The following SLC2A13 variants were observed in gnomAD, a reference collection of about 807,000 sequenced individuals.
SLC2A13 encodes solute carrier family 2 member 13, also known as proton myo-inositol cotransporter.
In SLC2A13, 32 loss-of-function variants were observed where a neutral mutation model predicts 64.4. The observed-to-expected ratio is 0.50, with a 90% CI of 0.37 to 0.67. SLC2A13 has a LOEUF of 0.67. SLC2A13 is among the 30% of genes least tolerant of loss of function. The pLI, the probability that SLC2A13 is intolerant of heterozygous loss-of-function variation, is 0.00. For synonymous variants in SLC2A13, 338 were observed against 327.1 expected, an observed-to-expected ratio of 1.03 and a Z score of -0.36; for missense variants, 743 against 829.2, an observed-to-expected ratio of 0.90 and a Z score of 1.28.
Position 40,105,822 on chromosome 12 carries a change from G to C in SLC2A13, c.-14C>G, listed in dbSNP as rs536379760. On this transcript the variant is annotated 5_prime_UTR_variant, in exon 1 of 10. Transcript: ENST00000280871. The surrounding 1 kb of genome is among the most constrained non-coding windows in gnomAD (Gnocchi z 4.2). ...CTTGCGGGACATAGGGCAGGGGCCC[G>C]GGGCTGCCCGGGGGGACGCGGCTCC... The C allele has an allele frequency of 6.3e-6, 9 of 1,422,106 alleles. No individual in the cohort carries two copies. The South Asian group carries it at 1.2e-4, about 19-fold the overall frequency. The allele number at this position is 1,422,106 out of a possible 1,614,324, so 88.1% of individuals were successfully genotyped here. A position where few individuals can be genotyped will look rare whatever the true frequency, so the allele number is the denominator to read the frequency against.
intron 1 of SLC2A13, among the ~76,000 whole-genome samples, chr12:40,095,450 G>A (rs1938907435): frequency 6.6e-6 from 1 of 152,152 alleles, no homozygotes; most frequent in South Asian, 2.1e-4. Flanking sequence ...GCAATCAATA[G>A]GTCCATACAA....
At chr12:39,972,009 T>TACAC (rs1304734551) in intron 3 of SLC2A13, among the ~76,000 whole-genome samples, 3,667 of 63,510 alleles carry the variant, frequency 0.058, 171 homozygotes, top group Non-Finnish European at 0.089. Context: ...TATATATATA[T>TACAC]ATATATTTTT....
intron 7 of SLC2A13, among the ~76,000 whole-genome samples, chr12:39,790,569 A>G (rs1592140706): frequency 1.4e-5 from 2 of 147,092 alleles, no homozygotes; most frequent in Admixed American, 6.8e-5. Context: ...TTATGGCTGC[A>G]TAGTATTCCA....
intron 4 of SLC2A13, among the ~76,000 whole-genome samples, chr12:39,880,800 G>T (rs10877703): frequency 0.26 from 39,590 of 152,020 alleles, 5,445 homozygotes; most frequent in East Asian, 0.4. Context: ...CCAATTACTT[G>T]TCTCACCTCG....
rs1430835375 is a variant in SLC2A13, at chr12:39,790,140, G to A, written c.1446-25282C>T. On this transcript the variant is annotated intron_variant, in intron 7 of 9. Transcript: ENST00000280871. ...TTCTTTTGTGTTCTTTTTTTTTTTT[G>A]ACAGACTAAGGTTAATTTATCATTG... Among the ~76,000 whole-genome samples the A allele has an allele frequency of 1.6e-5, 2 of 125,848 alleles. 1 individual carries two copies. The highest frequency in any genetic ancestry group is 3.4e-5 in the Non-Finnish European group (2 of 59,640). 82.6% of individuals were successfully genotyped at this position (125,848 alleles called of 152,430 possible).
At chr12:39,922,423 T>C (rs943449855) in intron 4 of SLC2A13, among the ~76,000 whole-genome samples, 2 of 152,206 alleles carry the variant, frequency 1.3e-5, no homozygotes, top group Non-Finnish European at 2.9e-5. Context: ...TTCATGTTGG[T>C]CTGTGTCCCA....
chr12:40,045,105 T>C (rs1357619250), intron 2 of SLC2A13, among the ~76,000 whole-genome samples: 2 of 152,156 alleles, frequency 1.3e-5, no homozygotes, highest in African/African-American at 2.4e-5. Flanking sequence ...GCTGAAACTG[T>C]TCATCACTAT....
At chr12:39,791,267 A>T (rs1233912380) in intron 7 of SLC2A13, among the ~76,000 whole-genome samples, 2 of 135,086 alleles carry the variant, frequency 1.5e-5, no homozygotes. Context: ...AGCCAATATC[A>T]TACTGAATGG....
intron 5 of SLC2A13, among the ~76,000 whole-genome samples, chr12:39,869,040 G>T (rs536127402): frequency 2.6e-5 from 4 of 152,126 alleles, no homozygotes; most frequent in African/African-American, 9.6e-5. Flanking sequence ...TGAATCAAAG[G>T]TTAAAAATTC....
intron 7 of SLC2A13, among the ~76,000 whole-genome samples, chr12:39,792,556 A>T (rs1156789634): frequency 2.0e-5 from 3 of 152,174 alleles, no homozygotes; most frequent in Non-Finnish European, 4.4e-5. Context: ...ACAATTCTAG[A>T]TACTAAGCCT....
At chr12:39,962,689 A>C (rs970199946) in intron 3 of SLC2A13, among the ~76,000 whole-genome samples, 10 of 152,178 alleles carry the variant, frequency 6.6e-5, no homozygotes, top group Non-Finnish European at 2.9e-5. Flanking sequence ...GTTTTTCAAT[A>C]GATATTATAT....
intron 7 of SLC2A13, among the ~76,000 whole-genome samples, chr12:39,809,228 T>C (rs1942069701): frequency 6.6e-6 from 1 of 152,176 alleles, no homozygotes. Flanking sequence ...TGGCCATGCA[T>C]ATATGGATCT....
At chr12:39,979,139 A>C (rs1270613608) in intron 3 of SLC2A13, among the ~76,000 whole-genome samples, 1 of 150,534 alleles carries the variant, frequency 6.6e-6, no homozygotes, top group Non-Finnish European at 1.5e-5. Flanking sequence ...AAACTAACAA[A>C]CAGAAAGGAC....
chr12:39,790,466 G>A (rs1465873999), intron 7 of SLC2A13, among the ~76,000 whole-genome samples: 14 of 148,666 alleles, frequency 9.4e-5, no homozygotes, highest in East Asian at 8.1e-4. Flanking sequence ...GAGAATATGC[G>A]GTGTTTGGTT....
In SLC2A13 at chr12:39,943,093, A is replaced by C. The variant is rs59128494; in HGVS notation, c.1034+8164T>G. Reference sequence around the variant, plus strand: ...GTATCACCAGCGGAGACTGTGGAACAGCAAAGACTGCTGCCTGTTCCTTCC... The same window carrying C: ...GTATCACCAGCGGAGACTGTGGAACCGCAAAGACTGCTGCCTGTTCCTTCC... On this transcript the variant is annotated intron_variant, in intron 4 of 9. Transcript: ENST00000280871. Among the ~76,000 whole-genome samples the C allele has an allele frequency of 7.5e-3, 1,145 of 152,308 alleles. 14 individuals carry two copies. The highest frequency in any genetic ancestry group is 0.026 in the African/African-American group (1,085 of 41,566).
intron 3 of SLC2A13, among the ~76,000 whole-genome samples, chr12:40,014,053 GATCTT>G (rs768585402): frequency 1.1e-4 from 17 of 152,098 alleles, no homozygotes; most frequent in South Asian, 4.1e-4. Flanking sequence ...TTGAGTACCT[GATCTT>G]ATCTAGTACA....
At chr12:39,945,937 T>C (rs780860891) in intron 4 of SLC2A13, among the ~76,000 whole-genome samples, 3 of 152,176 alleles carry the variant, frequency 2.0e-5, no homozygotes, top group Non-Finnish European at 2.9e-5. Context: ...AGCCTTGTTT[T>C]GTCATATAGC....
chr12:40,008,578 T>C (rs984089923), intron 3 of SLC2A13, among the ~76,000 whole-genome samples: 2 of 144,844 alleles, frequency 1.4e-5, no homozygotes, highest in East Asian at 4.0e-4. Flanking sequence ...ACCACTACAC[T>C]CCAGCCTGGG....
At position 39,771,898 on chromosome 12, in the gene SLC2A13, A is replaced by G. The variant is rs913846063; in HGVS notation, c.1446-7040T>C. On this transcript the variant is annotated intron_variant, in intron 7 of 9. Coordinates refer to ENST00000280871, the MANE Select transcript of SLC2A13 (RefSeq NM_052885.4). ...ACTAAATTACTTATTTTCTGAACCT[A>G]CAGTCTAGACCCAGTATCTCCTACT... is the stretch of plus-strand genomic sequence containing the variant. 5.3e-5 allele frequency among the ~76,000 whole-genome samples: 8 copies of G among 152,118 alleles called. No homozygotes were observed. The East Asian group carries it at 5.8e-4, about 11-fold the overall frequency.
Sources: gnomAD v4.1 joint callset for allele counts (sites outside exome capture counted in the v4.1 genomes callset) on GRCh38, gnomAD v4.1.1 for gene constraint, Gnocchi (gnomAD v3.1) non-coding constraint, MANE v1.5 for transcripts, NCBI Gene and HGNC (gene_info 2026-07-23, HGNC 2026-07-21) for gene names.